Variants in PLIN4 observed in about 807,000 individuals in gnomAD.
PLIN4 encodes the protein perilipin 4.
In PLIN4, 57 loss-of-function variants were observed where a neutral mutation model predicts 52.4. The ratio of observed to expected loss-of-function variants is 1.09; its 90% CI spans 0.88 to 1.36. The LOEUF (loss-of-function observed/expected upper bound fraction) is 1.36, where lower values mean the gene tolerates loss of function less well. PLIN4 is among the 40% of genes most tolerant of loss of function. The probability of loss-of-function intolerance (pLI) is 0.00; values close to 1 mark genes in which losing one functional copy is unlikely to be tolerated. For synonymous variants in PLIN4, 826 were observed against 785.4 expected, an observed-to-expected ratio of 1.05 and a Z score of -0.86; for missense variants, 1,757 against 1,770.3, an observed-to-expected ratio of 0.99 and a Z score of 0.13.
At position 4,513,266 on chromosome 19, in the gene PLIN4, T is replaced by G. The variant is rs1164789517; in HGVS notation, c.694A>C (p.Thr232Pro). 1 of 1,613,688 alleles carries G rather than the reference T, an allele frequency of 6.2e-7. No homozygotes were observed. The highest frequency in any genetic ancestry group is 1.1e-5 in the South Asian group (1 of 91,090). Residue 232 changes from threonine to proline, a missense_variant, in exon 5 of 8, where the codon ACC (threonine) becomes CCC (proline). By Grantham distance (38) the Thr-to-Pro change is conservative. This residue lies in a region of PLIN4 where 99 missense variants were observed against 143.4 expected (regional missense o/e 0.69). Coordinates refer to ENST00000301286, the MANE Select transcript of PLIN4 (RefSeq NM_001367868.2). ...TGVETSKAVL[T>P]GTKDAVSTGL... The stretch of plus-strand genomic sequence containing the variant: ...GTGGACACAGCATCTTTGGTGCCGG[T>G]CAGCACAGCCTTGGAGGTTTCCACG...
Position 4,504,611 on chromosome 19 carries a change from C to G in PLIN4, c.3964G>C (p.Val1322Leu). The G allele has an allele frequency of 6.2e-7, 1 of 1,604,240 alleles. No individual in the cohort carries two copies. Among genetic ancestry groups the G allele is most frequent in the African/African-American group, 1.3e-5 (1 of 74,958 alleles). The change falls in exon 8 of 8, where the codon GTA becomes CTA. Residue 1322 changes from valine to leucine, a missense_variant. By Grantham distance (32) the Val-to-Leu change is conservative. Around this residue, in one of 7 missense-constraint regions of PLIN4, gnomAD observed 712 missense variants for 637.1 expected, o/e 1.12. Transcript: ENST00000301286. ...AGCCGCTCTGCGGGCAGCTCCTCTA[C>G]AGAGCCAGCTGAGGCCACGATGCCA... is the stretch of plus-strand genomic sequence containing the variant. ...LYGIVASAGS[V>L]EELPAERLVQ...
In PLIN4 at chr19:4,510,660, A is replaced by G. The variant is rs762149889; in HGVS notation, c.3300T>C (p.Ser1100=). 11 of 1,517,100 alleles carry G rather than the reference A, an allele frequency of 7.3e-6. No individual in the cohort carries two copies. In the Admixed American group the frequency reaches 2.0e-4, roughly 28 times the overall value. The allele number at this position is 1,517,100 out of a possible 1,614,324, so 94.0% of individuals were successfully genotyped here. A position where few individuals can be genotyped will look rare whatever the true frequency, so the allele number is the denominator to read the frequency against. ...SGISTPPDVL[S]VGPEPAWEAA... is the part of the protein sequence containing the mutation. Reference sequence around the variant, plus strand: ...CTTCCCAGGCAGGCTCCGGGCCTACACTGAGCACATCCGGGGGCGTGGAGA... The same window carrying G: ...CTTCCCAGGCAGGCTCCGGGCCTACGCTGAGCACATCCGGGGGCGTGGAGA... Residue 1100 remains serine, a synonymous_variant, in exon 5 of 8, where the codon AGT becomes AGC. Coordinates refer to ENST00000301286, the MANE Select transcript of PLIN4 (RefSeq NM_001367868.2).
chr19:4,502,949 T>G lies in PLIN4; in HGVS notation c.*1510A>C. On this transcript the variant is annotated 3_prime_UTR_variant, in exon 8 of 8. Transcript: ENST00000301286. ...CATGCTTGGTTGGCTGGACGTGAGC[T>G]GCAGTCACTGTGCCTGATTTCTGCA... 6.6e-6 allele frequency: 1 copy of G among 152,330 alleles called. No individual in the cohort carries two copies. Among genetic ancestry groups the G allele is most frequent in the Non-Finnish European group, 1.5e-5 (1 of 68,146 alleles). 9.4% of individuals were successfully genotyped at this position (152,330 alleles called of 1,614,324 possible). A position where few individuals can be genotyped will look rare whatever the true frequency, so the allele number is the denominator to read the frequency against.
rs1599756017 is a variant in PLIN4 at position 4,518,142 on chromosome 19, C to T, written c.51+80G>A. ...AAGCACCTCTCCAGATTCGAGACCC[C>T]AGGACTGTGGAGGTCACCTTCCCCG... On this transcript the variant is annotated intron_variant, in intron 2 of 7. Coordinates refer to ENST00000301286, the MANE Select transcript of PLIN4 (RefSeq NM_001367868.2). 9 of 1,163,670 alleles carry T rather than the reference C, an allele frequency of 7.7e-6. No individual in the cohort carries two copies. The East Asian group carries it at 2.2e-4, about 29-fold the overall frequency. The allele number at this position is 1,163,670 out of a possible 1,614,324, so 72.1% of individuals were successfully genotyped here.
At chr19:4,518,334 T>G in intron 1 of PLIN4, 45 bp from the exon 2 acceptor site, 1 of 1,230,866 alleles carries the variant, frequency 8.1e-7, no homozygotes, top group Non-Finnish European at 1.0e-6. Context: ...TTCCCTAGCC[T>G]CCCATCCCAC....
Position 4,504,428 on chromosome 19 carries a change from G to A in PLIN4, c.*31C>T, listed in dbSNP as rs758426237. The A allele has an allele frequency of 2.9e-5, 43 of 1,495,806 alleles. No individual in the cohort carries two copies. The highest frequency in any genetic ancestry group is 9.7e-5 in the African/African-American group (7 of 72,150). The allele number at this position is 1,495,806 out of a possible 1,614,324, so 92.7% of individuals were successfully genotyped here. On this transcript the variant is annotated 3_prime_UTR_variant, in exon 8 of 8. Transcript: ENST00000301286. Reference sequence around the variant, plus strand: ...AGCTCCTCCCTGGACAGAGCAGGGCGACCCCGCGCCGGGCCTGCAGGCTCC... The same window carrying A: ...AGCTCCTCCCTGGACAGAGCAGGGCAACCCCGCGCCGGGCCTGCAGGCTCC...
chr19:4,504,861 C>T lies in PLIN4; in HGVS notation c.3789G>A (p.Glu1263=), dbSNP rs1296284837. The T allele has an allele frequency of 1.2e-6, 2 of 1,605,880 alleles. No homozygotes were observed. Among genetic ancestry groups the T allele is most frequent in the Non-Finnish European group, 1.7e-6 (2 of 1,177,044 alleles). ...GACCCTAGCCCTGTGCCAGACCCAC[C>T]TCCTGGACAGCAGCGTCCTCCGCAC... ...GASAEDAAVQ[E]ERDAGVLSRV... The change falls in exon 7 of 8, where the codon GAG becomes GAA. Residue 1263 remains glutamate, a splice_region_variant and synonymous_variant. Transcript: ENST00000301286.
In PLIN4 at chr19:4,502,354, C is replaced by T; in HGVS notation, c.*2105G>A. On this transcript the variant is annotated 3_prime_UTR_variant, in exon 8 of 8. Coordinates refer to ENST00000301286, the MANE Select transcript of PLIN4 (RefSeq NM_001367868.2). ...AGAAGCGACTAAAAGGCACTCTGGG[C>T]CCAGCCCAACCCTGAAAGGCCAGTG... The T allele has an allele frequency of 2.7e-6, 1 of 371,140 alleles. No homozygotes were observed. Among genetic ancestry groups the T allele is most frequent in the South Asian group, 2.3e-5 (1 of 43,884 alleles). 23.0% of individuals were successfully genotyped at this position (371,140 alleles called of 1,614,324 possible).
At position 4,510,918 on chromosome 19, in the gene PLIN4, C is replaced by A; in HGVS notation, c.3042G>T (p.Gly1014=). ...AMSMAKGAVQ[G]GLDTTKTVLT... ...GCACTGTCTTGGTGGTGTCCAGGCC[C>A]CCCTGGACGGCCCCTTTGGCCATGC... is the stretch of plus-strand genomic sequence containing the variant. Residue 1014 remains glycine, a synonymous_variant, in exon 5 of 8, where the codon GGG becomes GGT. Coordinates refer to ENST00000301286, the MANE Select transcript of PLIN4 (RefSeq NM_001367868.2). The A allele has an allele frequency of 6.2e-7, 1 of 1,613,612 alleles. No individual in the cohort carries two copies. Among genetic ancestry groups the A allele is most frequent in the Non-Finnish European group, 8.5e-7 (1 of 1,179,868 alleles).
At chr19:4,514,377 G>T (rs536462324) in intron 4 of PLIN4, among the ~76,000 whole-genome samples, 30 of 152,138 alleles carry the variant, frequency 2.0e-4, no homozygotes, top group African/African-American at 7.2e-4. Flanking sequence ...GAGCCCAGGA[G>T]GTTGAGGCAA....
intron 4 of PLIN4, among the ~76,000 whole-genome samples, chr19:4,514,840 G>A (rs8107307): frequency 0.01 from 1,544 of 151,408 alleles, 32 homozygotes; most frequent in African/African-American, 0.036. Context: ...TTGAGCCCAC[G>A]AGTTTAAGAG....
intron 1 of PLIN4, 43 bp from the exon 2 acceptor site, chr19:4,518,332 C>A (rs886202382): frequency 8.1e-7 from 1 of 1,231,488 alleles, no homozygotes; most frequent in Admixed American, 4.2e-5. Flanking sequence ...GGTTCCCTAG[C>A]CTCCCATCCC....
chr19:4,504,491 CT>C lies in PLIN4; in HGVS notation c.4083del (p.Phe1364SerfsTer62), dbSNP rs1453847678. 1 of 1,597,112 alleles carries C rather than the reference CT, an allele frequency of 6.3e-7. No individual in the cohort carries two copies. The highest frequency in any genetic ancestry group is 1.7e-5 in the Admixed American group (1 of 59,434). On this transcript the variant is annotated frameshift_variant, in exon 8 of 8. Coordinates refer to ENST00000301286, the MANE Select transcript of PLIN4 (RefSeq NM_001367868.2). LOFTEE classifies it low-confidence loss of function (END_TRUNC). ...CCGCCAGCGGGCAAGGCGAAGGGCC[CT>C]ACCAGCCAGCTGAGCGGGGGATTGT... ...LQHNPPLSWLVGPFALPAGGQ is the reference protein window; with the variant it reads ...LQHNPPLSWLXGPFALPAGGQ
chr19:4,510,137 C>T (rs1459647746), intron 5 of PLIN4, among the ~76,000 whole-genome samples: 6 of 152,094 alleles, frequency 3.9e-5, no homozygotes, highest in East Asian at 1.9e-4. Context: ...GAAGCTGAGG[C>T]GGGCGGATCA....
rs1012613287 is a variant in PLIN4 at position 4,503,143 on chromosome 19, GCCCCTGGTGCACACGGTGA to G, written c.*1297_*1315del. On this transcript the variant is annotated 3_prime_UTR_variant, in exon 8 of 8. Coordinates refer to ENST00000301286, the MANE Select transcript of PLIN4 (RefSeq NM_001367868.2). ...GAGCTGAATGCCCCGGCCCCTCACG[GCCCCTGGTGCACACGGTGA>G]CCCCTGGGGCCCCTCCACCCTTCCT... The G allele has an allele frequency of 6.6e-6, 1 of 152,260 alleles. No homozygotes were observed. Among genetic ancestry groups the G allele is most frequent in the Non-Finnish European group, 1.5e-5 (1 of 68,126 alleles). 9.4% of individuals were successfully genotyped at this position (152,260 alleles called of 1,614,324 possible).
In PLIN4 at chr19:4,513,632, C is replaced by A. The variant is rs199885606; in HGVS notation, c.328G>T (p.Val110Leu). The A allele has an allele frequency of 1.5e-4, 235 of 1,609,322 alleles. No homozygotes were observed. In the African/African-American group the frequency reaches 2.9e-3, roughly 20 times the overall value. Reference sequence around the variant, plus strand: ...TTAGCCACGTCCACCACGCTGGCCACCCCGGAGGACACGGCATCCTTGGCC... The same window carrying A: ...TTAGCCACGTCCACCACGCTGGCCAACCCGGAGGACACGGCATCCTTGGCC... ...SRAKDAVSSG[V>L]ASVVDVAKGV... Residue 110 changes from valine (V) to leucine (L), a missense_variant, in exon 5 of 8, where the codon GTG (valine) becomes TTG (leucine). By Grantham distance (32) the Val-to-Leu change is conservative. Coordinates refer to ENST00000301286, the MANE Select transcript of PLIN4 (RefSeq NM_001367868.2).
chr19:4,517,441 A>C, intron 3 of PLIN4, 113 bp downstream of exon 3: 1 of 1,319,880 alleles, frequency 7.6e-7, no homozygotes, highest in South Asian at 1.5e-5. Context: ...ATGAGAGCAC[A>C]CAGACAAATA....
At position 4,505,035 on chromosome 19, in the gene PLIN4, C is replaced by T. The variant is rs114609863; in HGVS notation, c.3703-88G>A. ...CCTCCCCCTCCCCCAGGGACCTGGG[C>T]ACATTCACAGTCCTGGGAGAAAGGC... On this transcript the variant is annotated intron_variant, in intron 6 of 7. Coordinates refer to ENST00000301286, the MANE Select transcript of PLIN4 (RefSeq NM_001367868.2). 465 of 1,256,010 alleles carry T rather than the reference C, an allele frequency of 3.7e-4. 3 individuals carry two copies. The African/African-American group carries it at 6.3e-3, about 17-fold the overall frequency. 77.8% of individuals were successfully genotyped at this position (1,256,010 alleles called of 1,614,324 possible). A position where few individuals can be genotyped will look rare whatever the true frequency, so the allele number is the denominator to read the frequency against.
In PLIN4 at chr19:4,510,601, A is replaced by T. The variant is rs760798021; in HGVS notation, c.3359T>A (p.Val1120Glu). 1 of 1,501,406 alleles carries T rather than the reference A, an allele frequency of 6.7e-7. No homozygotes were observed. The allele number at this position is 1,501,406 out of a possible 1,614,324, so 93.0% of individuals were successfully genotyped here. Residue 1120 changes from valine to glutamate, a missense_variant, in exon 5 of 8, where the codon GTG (valine) becomes GAG (glutamate). Around this residue, in one of 7 missense-constraint regions of PLIN4, gnomAD observed 712 missense variants for 637.1 expected, o/e 1.12. Coordinates refer to ENST00000301286, the MANE Select transcript of PLIN4 (RefSeq NM_001367868.2). ...GGCGGCCCCTTGGGTGAACGTCGCC[A>T]CGTCAGTCGCAAGGCCCTTGGTAGT... ...AATTKGLATD[V>E]ATFTQGAAPG...
Sources: gnomAD v4.1 joint callset for allele counts (sites outside exome capture counted in the v4.1 genomes callset) on GRCh38, gnomAD v4.1.1 for gene constraint, gnomAD v4.1.1 regional missense constraint, MANE v1.5 for transcripts, NCBI Gene and HGNC (gene_info 2026-07-23, HGNC 2026-07-21) for gene names.